The following INTS1 variants were observed in gnomAD, a reference collection of about 807,000 sequenced individuals.
INTS1 encodes the protein integrator complex subunit 1.
Under a neutral mutation model 241.6 loss-of-function variants are expected in INTS1, and 137 were observed. That is an observed-to-expected ratio of 0.57 (90% CI 0.49 to 0.65). The LOEUF (loss-of-function observed/expected upper bound fraction) is 0.65. INTS1 is among the 30% of genes least tolerant of loss of function. INTS1 has a pLI of 0.00. For missense variants in INTS1, 3,073 were observed against 3,032.2 expected (o/e 1.01, Z -0.32); for synonymous variants, 1,692 against 1,337.8 (o/e 1.26, Z -5.78).
chr7:1,483,862 A>G lies in INTS1; in HGVS notation c.3430-9T>C, dbSNP rs1212323702. The stretch of plus-strand genomic sequence containing the variant: ...TGGTCCTGAGACTCCGACTGTGGGA[A>G]AAGAGGTGGAGTCAGGCCGTAAGGT... On this transcript the variant is annotated splice_polypyrimidine_tract_variant and intron_variant, in intron 25 of 47. Coordinates refer to ENST00000404767, the MANE Select transcript of INTS1 (RefSeq NM_001080453.3). 1 of 1,605,462 alleles carries G rather than the reference A, an allele frequency of 6.2e-7. No homozygotes were observed.
chr7:1,483,446 G>A (rs556007346), intron 26 of INTS1: 12 of 487,226 alleles, frequency 2.5e-5, no homozygotes, highest in African/African-American at 5.8e-5. Context: ...AGGCCTACAC[G>A]GTTAGGCTGG....
chr7:1,475,228 C>A (rs896849661), intron 39 of INTS1, among the ~76,000 whole-genome samples: 1 of 151,994 alleles, frequency 6.6e-6, no homozygotes, highest in Non-Finnish European at 1.5e-5. Context: ...TTCAAAAATA[C>A]AAAAAGAGTA....
Position 1,493,982 on chromosome 7 carries a change from G to T in INTS1, c.1911-71C>A. On this transcript the variant is annotated intron_variant, in intron 14 of 47. Transcript: ENST00000404767. The surrounding 1 kb of genome is among the most constrained non-coding windows in gnomAD (Gnocchi z 5.3). ...GCCAGACCTGAGGGGCCGAGGACAG[G>T]CCAGCTTCTCCCTCAGAGCCCACGG... 1 of 1,485,002 alleles carries T rather than the reference G, an allele frequency of 6.7e-7. No individual in the cohort carries two copies. The highest frequency in any genetic ancestry group is 2.0e-4 in the Middle Eastern group (1 of 5,040). The allele number at this position is 1,485,002 out of a possible 1,614,324, so 92.0% of individuals were successfully genotyped here.
At chr7:1,492,491 G>A (rs1352322934) in intron 16 of INTS1, among the ~76,000 whole-genome samples, 5 of 152,200 alleles carry the variant, frequency 3.3e-5, no homozygotes, top group Admixed American at 2.6e-4. Context: ...GGGAACCAAA[G>A]AAGGTTCTAC....
At position 1,473,554 on chromosome 7, in the gene INTS1, G is replaced by A. The variant is rs377424527; in HGVS notation, c.5957+12C>T. 4.4e-5 allele frequency: 69 copies of A among 1,580,024 alleles called. No individual in the cohort carries two copies. In the African/African-American group the frequency reaches 6.1e-4, roughly 14 times the overall value. On this transcript the variant is annotated intron_variant, in intron 42 of 47. Transcript: ENST00000404767. ...GAGGCCCGAGGCTTCCCTGCAGCCCGTGGGCACTCACTGGAGCGGGTCGGC... is the reference window on the plus strand; with the variant it reads ...GAGGCCCGAGGCTTCCCTGCAGCCCATGGGCACTCACTGGAGCGGGTCGGC...
intron 6 of INTS1, 42 bp from the exon 7 acceptor site, chr7:1,499,402 G>T: frequency 1.9e-6 from 1 of 514,308 alleles, no homozygotes. Context: ...CCTCCCACCC[G>T]CCCATCCTCC....
chr7:1,490,121 A>C (rs1782476485), intron 16 of INTS1, among the ~76,000 whole-genome samples: 1 of 152,122 alleles, frequency 6.6e-6, no homozygotes, highest in Admixed American at 6.5e-5. Flanking sequence ...CTGGAGCCAC[A>C]TGCAGAGGCT....
At position 1,503,819 on chromosome 7, in the gene INTS1, C is replaced by G. The variant is rs932857280; in HGVS notation, c.58+84G>C. 2.9e-5 allele frequency: 29 copies of G among 1,016,050 alleles called. No individual in the cohort carries two copies. The African/African-American group carries it at 4.7e-4, about 16-fold the overall frequency. 62.9% of individuals were successfully genotyped at this position (1,016,050 alleles called of 1,614,324 possible). A position where few individuals can be genotyped will look rare whatever the true frequency, so the allele number is the denominator to read the frequency against. ...GGCTGCGGAACAACCAAGCCCAACG[C>G]AGGATCCGCGGCAGCTGAGATCCCC... On this transcript the variant is annotated intron_variant, in intron 2 of 47. Transcript: ENST00000404767.
intron 39 of INTS1, 70 bp downstream of exon 39, chr7:1,475,878 T>TC: frequency 6.6e-7 from 1 of 1,504,114 alleles, no homozygotes; most frequent in Non-Finnish European, 8.9e-7. Context: ...CACTGTGGCC[T>TC]CCGCCCTCCC....
rs1783009828 is a variant in INTS1 at position 1,499,017 on chromosome 7, C to G, written c.1095G>C (p.Leu365=). The part of the protein sequence containing the change: ...TSTCGYKEVR[L]LAVQKLEMWL... ...ACATCTCCAGCTTCTGCACCGCCAGCAGCCGCACCTCCTTATAGCCGCAGG... is the reference window on the plus strand; with the variant it reads ...ACATCTCCAGCTTCTGCACCGCCAGGAGCCGCACCTCCTTATAGCCGCAGG... The change falls in exon 8 of 48, where the codon CTG becomes CTC. Residue 365 remains leucine (L), a synonymous_variant. Coordinates refer to ENST00000404767, the MANE Select transcript of INTS1 (RefSeq NM_001080453.3). 3.2e-6 allele frequency: 5 copies of G among 1,559,186 alleles called. No homozygotes were observed. Among genetic ancestry groups the G allele is most frequent in the Non-Finnish European group, 4.3e-6 (5 of 1,153,238 alleles).
At chr7:1,475,584 G>A (rs1781675023) in intron 39 of INTS1, among the ~76,000 whole-genome samples, 1 of 152,156 alleles carries the variant, frequency 6.6e-6, no homozygotes, top group African/African-American at 2.4e-5. Flanking sequence ...CTGGAGAGGA[G>A]CAGACGCAGC....
Position 1,479,029 on chromosome 7 carries a change from G to A in INTS1, c.4330-144C>T, listed in dbSNP as rs970363570. 1.1e-5 allele frequency: 10 copies of A among 925,408 alleles called. No homozygotes were observed. The African/African-American group carries it at 1.5e-4, about 14-fold the overall frequency. 57.3% of individuals were successfully genotyped at this position (925,408 alleles called of 1,614,324 possible). On this transcript the variant is annotated intron_variant, in intron 31 of 47. Transcript: ENST00000404767. ...CTGGGCCAACCTCATCCCGCCTCCT[G>A]TCTGAAACGGTGCCTCCCCTGCACG...
At chr7:1,496,384 C>G (rs1248258380) in intron 11 of INTS1, 120 bp from the exon 12 acceptor site, 1 of 440,752 alleles carries the variant, frequency 2.3e-6, no homozygotes, top group Non-Finnish European at 4.0e-6. Context: ...CCACTCCACA[C>G]CCACGTGGGC....
At chr7:1,500,871 A>G in intron 3 of INTS1, 1 of 154,696 alleles carries the variant, frequency 6.5e-6, no homozygotes, top group Non-Finnish European at 1.4e-5. Context: ...TCCTCTGAGG[A>G]GCACCAGGGC....
Position 1,470,494 on chromosome 7 carries a change from C to T in INTS1, c.*83G>A, listed in dbSNP as rs1781402616. On this transcript the variant is annotated 3_prime_UTR_variant, in exon 48 of 48. Coordinates refer to ENST00000404767, the MANE Select transcript of INTS1 (RefSeq NM_001080453.3). ...CTCACCTCCTCGGACAGACCAGCAA[C>T]GCCCACGCTTCCTGGGCTTTGCCTC... 22 of 1,089,590 alleles carry T rather than the reference C, an allele frequency of 2.0e-5. No individual in the cohort carries two copies. Among genetic ancestry groups the T allele is most frequent in the South Asian group, 9.4e-5 (6 of 64,164 alleles). 67.5% of individuals were successfully genotyped at this position (1,089,590 alleles called of 1,614,324 possible).
Position 1,494,857 on chromosome 7 carries a change from G to A in INTS1, c.1869C>T (p.Thr623=). 1.9e-6 allele frequency: 3 copies of A among 1,569,332 alleles called. No individual in the cohort carries two copies. The highest frequency in any genetic ancestry group is 2.7e-5 in the African/African-American group (2 of 73,822). The part of the protein sequence containing the change: ...HKVLFTEQPE[T]YYKWDNWPPE... ...GTGGCCAGTTGTCCCACTTGTAGTA[G>A]GTCTCCGGCTGCTCTGTGAACAGCA... Residue 623 remains threonine, a synonymous_variant, in exon 14 of 48, where the codon ACC becomes ACT. Transcript: ENST00000404767.
chr7:1,471,731 C>A, intron 44 of INTS1, 90 bp from the exon 45 acceptor site: 1 of 1,231,098 alleles, frequency 8.1e-7, no homozygotes, highest in African/African-American at 1.5e-5. Context: ...GGCAAGGCCC[C>A]GAGCACCACA....
intron 16 of INTS1, 78 bp from the exon 17 acceptor site, chr7:1,489,760 G>A: frequency 9.5e-7 from 1 of 1,050,934 alleles, no homozygotes; most frequent in Non-Finnish European, 1.4e-6. Flanking sequence ...AGGTGGCAAA[G>A]CTGGGGCAGG....
In INTS1 at chr7:1,474,300, G is replaced by C. The variant is rs1288000205; in HGVS notation, c.5697C>G (p.Phe1899Leu). Residue 1899 changes from phenylalanine (F) to leucine (L), a missense_variant, in exon 41 of 48, where the codon TTC (phenylalanine) becomes TTG (leucine). Transcript: ENST00000404767. The stretch of plus-strand genomic sequence containing the variant: ...AGCAGCTCAGGTGGTTCTGCTGCCG[G>C]AACTCCTGGAAGTTGAGGTGGGTGC... ...HGRTHLNFQE[F>L]RQQNHLSCFL... 4 of 1,608,596 alleles carry C rather than the reference G, an allele frequency of 2.5e-6. No homozygotes were observed. Among genetic ancestry groups the C allele is most frequent in the Non-Finnish European group, 2.5e-6 (3 of 1,178,970 alleles).
Sources: gnomAD v4.1 joint callset for allele counts (sites outside exome capture counted in the v4.1 genomes callset) on GRCh38, gnomAD v4.1.1 for gene constraint, Gnocchi (gnomAD v3.1) non-coding constraint, MANE v1.5 for transcripts, NCBI Gene and HGNC (gene_info 2026-07-23, HGNC 2026-07-21) for gene names.